The following CDH4 variants were observed in gnomAD, a reference collection of about 807,000 sequenced individuals.
CDH4 encodes cadherin-4.
CDH4 carries 33 observed loss-of-function variants against 86.0 expected under a neutral mutation model. The ratio of observed to expected loss-of-function variants is 0.38; its 90% confidence interval spans 0.29 to 0.51. The LOEUF is 0.51. Among genes scored for constraint, CDH4 ranks in the 20% least tolerant of loss-of-function variants. The pLI, the probability that CDH4 is intolerant of heterozygous loss-of-function variation, is 0.86. For synonymous variants in CDH4, 555 were observed against 549.4 expected, an observed-to-expected ratio of 1.01 and a Z score of -0.14; for missense variants, 1,114 against 1,307.4, an observed-to-expected ratio of 0.85 and a Z score of 2.28.
At chr20:61,738,098 CGGGCCTGACCCCA>C (rs1346907118) in intron 2 of CDH4, 1 of 152,216 alleles carries the variant, frequency 6.6e-6, no homozygotes, top group African/African-American at 2.4e-5. Flanking sequence ...CAGGCGGTGC[CGGGCCTGACCCCA>C]GGGCCCAATC....
intron 2 of CDH4, among the ~76,000 whole-genome samples, chr20:61,360,390 C>T (rs1430880490): frequency 1.3e-5 from 2 of 152,224 alleles, no homozygotes; most frequent in Non-Finnish European, 2.9e-5. Flanking sequence ...TGGAGAGAGC[C>T]GCGGTCAGGA....
intron 4 of CDH4, among the ~76,000 whole-genome samples, chr20:61,814,521 T>A (rs1055408473): frequency 6.6e-6 from 1 of 152,194 alleles, no homozygotes; most frequent in Non-Finnish European, 1.5e-5. Flanking sequence ...AGAAAACTTG[T>A]TTGTGCAAGA....
chr20:61,655,164 T>C (rs2087173694), intron 2 of CDH4, among the ~76,000 whole-genome samples: 1 of 152,252 alleles, frequency 6.6e-6, no homozygotes, highest in South Asian at 2.1e-4. Flanking sequence ...CAGGCATATA[T>C]GTGTATATGT....
intron 4 of CDH4, among the ~76,000 whole-genome samples, chr20:61,814,451 C>T (rs868166211): frequency 6.6e-5 from 10 of 152,182 alleles, no homozygotes; most frequent in East Asian, 1.9e-4. Context: ...GGCCGCTCGA[C>T]GACGATCCCT....
At chr20:61,348,494 C>T (rs1176282385) in intron 2 of CDH4, among the ~76,000 whole-genome samples, 1 of 152,174 alleles carries the variant, frequency 6.6e-6, no homozygotes, top group African/African-American at 2.4e-5. Flanking sequence ...CAGCGGTTCC[C>T]TCCACCAAGA....
intron 2 of CDH4, among the ~76,000 whole-genome samples, chr20:61,509,593 G>A (rs2085765538): frequency 6.6e-6 from 1 of 151,608 alleles, no homozygotes; most frequent in East Asian, 1.9e-4. Flanking sequence ...CAGGGTGGGG[G>A]ACAGGACCGT....
At chr20:61,260,023 C>T (rs1042482581) in intron 2 of CDH4, among the ~76,000 whole-genome samples, 4 of 152,180 alleles carry the variant, frequency 2.6e-5, no homozygotes, top group African/African-American at 4.8e-5. Context: ...TGGCAGAGCC[C>T]TGGACTCATT....
At chr20:61,645,111 T>C (rs1385899107) in intron 2 of CDH4, among the ~76,000 whole-genome samples, 1 of 152,260 alleles carries the variant, frequency 6.6e-6, no homozygotes, top group South Asian at 2.1e-4. Flanking sequence ...CATCTCCAAA[T>C]TCAAGCACAC....
At chr20:61,386,226 C>T (rs1401318339) in intron 2 of CDH4, among the ~76,000 whole-genome samples, 3 of 152,180 alleles carry the variant, frequency 2.0e-5, no homozygotes, top group African/African-American at 4.8e-5. Context: ...TGCTGAGCCA[C>T]AGTCGTGCTG....
chr20:61,830,067 G>A (rs1981521988), intron 4 of CDH4, among the ~76,000 whole-genome samples: 1 of 150,004 alleles, frequency 6.7e-6, no homozygotes, highest in African/African-American at 2.5e-5. Context: ...CTACCTTCAT[G>A]GGGACTGCCC....
At position 61,523,639 on chromosome 20, in the gene CDH4, C is replaced by T. The variant is rs371813793; in HGVS notation, c.170-219924C>T. ...CAGAAAACAGGCCCGGGGCTTTCTC[C>T]CAGCTACTTTCCTGGGGGACGGATG... On this transcript the variant is annotated intron_variant, in intron 2 of 15. Transcript: ENST00000614565. Among the ~76,000 whole-genome samples the T allele has an allele frequency of 8.5e-5, 13 of 152,332 alleles. No individual in the cohort carries two copies. The East Asian group carries it at 1.2e-3, about 14-fold the overall frequency.
chr20:61,493,409 C>T (rs906938460), intron 2 of CDH4, among the ~76,000 whole-genome samples: 1 of 152,210 alleles, frequency 6.6e-6, no homozygotes, highest in Non-Finnish European at 1.5e-5. Context: ...GAGCAGTCTT[C>T]CCCTCTGCAG....
intron 2 of CDH4, among the ~76,000 whole-genome samples, chr20:61,284,045 A>G (rs181312866): frequency 2.9e-4 from 44 of 151,956 alleles, no homozygotes; most frequent in South Asian, 2.1e-4. Context: ...GGTGGCTCAC[A>G]CCTGTAATCC....
At chr20:61,868,647 G>A (rs1331834979) in intron 6 of CDH4, among the ~76,000 whole-genome samples, 1 of 151,778 alleles carries the variant, frequency 6.6e-6, no homozygotes, top group Non-Finnish European at 1.5e-5. Context: ...GCTAAGCGGT[G>A]TCCTCCATGC....
intron 2 of CDH4, among the ~76,000 whole-genome samples, chr20:61,650,109 TCTC>T (rs1299740824): frequency 6.6e-6 from 1 of 152,196 alleles, no homozygotes; most frequent in Non-Finnish European, 1.5e-5. Context: ...TCCAGTGTAT[TCTC>T]CTCCATGCCG....
At chr20:61,587,584 G>A (rs943080595) in intron 2 of CDH4, among the ~76,000 whole-genome samples, 1 of 152,006 alleles carries the variant, frequency 6.6e-6, no homozygotes, top group African/African-American at 2.4e-5. Context: ...GGGACAAAAT[G>A]ATTCCATTTT....
intron 5 of CDH4, 73 bp downstream of exon 5, chr20:61,844,896 C>A: frequency 1.4e-6 from 2 of 1,461,392 alleles, no homozygotes; most frequent in East Asian, 2.4e-5. Flanking sequence ...TTGGCAGGTG[C>A]CCCCAGCAGG....
chr20:61,566,341 CATT>C (rs1408489098), intron 2 of CDH4, among the ~76,000 whole-genome samples: 3 of 152,190 alleles, frequency 2.0e-5, no homozygotes, highest in Non-Finnish European at 4.4e-5. Context: ...GGTTGGAAAA[CATT>C]CTTATTTTCT....
intron 2 of CDH4, among the ~76,000 whole-genome samples, chr20:61,526,766 A>G (rs1031782398): frequency 6.6e-6 from 1 of 151,204 alleles, no homozygotes; most frequent in Non-Finnish European, 1.5e-5. Context: ...TGCAGTTGTC[A>G]TGTTTCCGAA....
Sources: gnomAD v4.1 joint callset for allele counts (sites outside exome capture counted in the v4.1 genomes callset) on GRCh38, gnomAD v4.1.1 for gene constraint, MANE v1.5 for transcripts, NCBI Gene and HGNC (gene_info 2026-07-23, HGNC 2026-07-21) for gene names.